The following GRPR variants were observed in gnomAD, a reference collection of about 807,000 sequenced individuals.
GRPR encodes gastrin releasing peptide receptor, also known as gastrin-releasing peptide receptor.
GRPR carries 4 observed loss-of-function variants against 15.6 expected under a neutral mutation model. That is an observed-to-expected ratio of 0.26 (90% CI 0.13 to 0.59). The LOEUF (loss-of-function observed/expected upper bound fraction) is 0.59, where lower values mean the gene tolerates loss of function less well. GRPR is among the 20% of genes least tolerant of loss of function. GRPR has a pLI of 0.90. For synonymous variants in GRPR, 128 were observed against 126.8 expected (o/e 1.01, Z -0.06); for missense variants, 270 against 304.1 (o/e 0.89, Z 0.83).
intron 1 of GRPR, among the ~76,000 whole-genome samples, chrX:16,146,160 G>T (rs183746855): frequency 3.6e-5 from 4 of 111,891 alleles, no homozygotes; most frequent in African/African-American, 1.3e-4. Flanking sequence ...AGTGGGGAAT[G>T]ATCTATGTAA....
intron 1 of GRPR, among the ~76,000 whole-genome samples, chrX:16,141,293 G>T (rs928602383): frequency 1.8e-5 from 2 of 112,279 alleles, no homozygotes; most frequent in Non-Finnish European, 3.8e-5. Flanking sequence ...AGGGTCAATA[G>T]TTGCCCAACT....
At chrX:16,140,906 G>A (rs1922521347) in intron 1 of GRPR, among the ~76,000 whole-genome samples, 2 of 111,258 alleles carry the variant, frequency 1.8e-5, no homozygotes, top group African/African-American at 6.6e-5. Flanking sequence ...ATTTTTCTTT[G>A]TCTTCGTGAT....
Position 16,152,747 on chromosome X carries a change from A to T in GRPR, c.*102A>T. 2.7e-6 allele frequency: 2 copies of T among 736,737 alleles called. No homozygotes were observed. The highest frequency in any genetic ancestry group is 2.1e-6 in the Non-Finnish European group (1 of 468,718). The allele number at this position is 736,737 out of a possible 1,213,427, so 60.7% of individuals were successfully genotyped here. A position where few individuals can be genotyped will look rare whatever the true frequency, so the allele number is the denominator to read the frequency against. ...TCTGTGCCCTCCAAAGAGCCTTCAG[A>T]ATGCTCCTGAGTGGTGTAGGTGGGG... On this transcript the variant is annotated 3_prime_UTR_variant, in exon 3 of 3. Transcript: ENST00000380289.
At chrX:16,128,869 G>C (rs1922336697) in intron 1 of GRPR, among the ~76,000 whole-genome samples, 1 of 111,962 alleles carries the variant, frequency 8.9e-6, no homozygotes, top group African/African-American at 3.2e-5. Context: ...TGTGCTAGGT[G>C]CCTCATTATT....
intron 1 of GRPR, among the ~76,000 whole-genome samples, chrX:16,142,746 C>T (rs151080015): frequency 1.8e-5 from 2 of 110,619 alleles, no homozygotes; most frequent in East Asian, 5.7e-4. Flanking sequence ...TCCCTAAGTG[C>T]CCCCACTCCC....
chrX:16,152,686 T>G lies in GRPR; in HGVS notation c.*41T>G, dbSNP rs1922733989. 8.9e-7 allele frequency: 1 copy of G among 1,123,625 alleles called. No homozygotes were observed. Among genetic ancestry groups the G allele is most frequent in the African/African-American group, 1.8e-5 (1 of 55,046 alleles). 92.6% of individuals were successfully genotyped at this position (1,123,625 alleles called of 1,213,427 possible). ...TGCCCCCTGAGGGACGGTTTTGCTT[T>G]ATGGCTAGACAGGAACCCTTGCATC... On this transcript the variant is annotated 3_prime_UTR_variant, in exon 3 of 3. Coordinates refer to ENST00000380289, the MANE Select transcript of GRPR (RefSeq NM_005314.3).
intron 1 of GRPR, among the ~76,000 whole-genome samples, chrX:16,149,654 A>G (rs1345255833): frequency 9.2e-6 from 1 of 108,901 alleles, no homozygotes; most frequent in Non-Finnish European, 1.9e-5. Context: ...CCAAAAAAAA[A>G]AAAAAAAAAA....
chrX:16,126,414 T>C (rs1922292351), intron 1 of GRPR, among the ~76,000 whole-genome samples: 1 of 111,951 alleles, frequency 8.9e-6, no homozygotes, highest in Non-Finnish European at 1.9e-5. Flanking sequence ...ATCTCTGAGG[T>C]TGGCAGGGCA....
chrX:16,133,327 C>T (rs1922404860), intron 1 of GRPR, among the ~76,000 whole-genome samples: 1 of 111,708 alleles, frequency 9.0e-6, no homozygotes, highest in East Asian at 2.8e-4. Flanking sequence ...AAAATTCCCT[C>T]TTGCCTTTTT....
At chrX:16,124,416 G>A (rs777698135) in intron 1 of GRPR, 50 bp downstream of exon 1, 1 of 1,082,021 alleles carries the variant, frequency 9.2e-7, no homozygotes, top group Non-Finnish European at 1.3e-6. Context: ...TAGACGCCTG[G>A]GTAAATGAAC....
intron 2 of GRPR, among the ~76,000 whole-genome samples, chrX:16,150,873 A>T (rs1386919408): frequency 8.9e-6 from 1 of 112,235 alleles, no homozygotes; most frequent in African/African-American, 3.2e-5. Flanking sequence ...GGTGTTGTGA[A>T]CCTGAAATAT....
rs746656467 is a variant in GRPR at position 16,124,173 on chromosome X, G to A, written c.220G>A (p.Val74Ile). 3 of 1,210,285 alleles carry A rather than the reference G, an allele frequency of 2.5e-6. No individual in the cohort carries two copies. Among genetic ancestry groups the A allele is most frequent in the South Asian group, 1.8e-5 (1 of 56,948 alleles). Residue 74 changes from valine to isoleucine, a missense_variant, in exon 1 of 3, where the codon GTT (valine) becomes ATT (isoleucine). Around this residue, in one of 3 missense-constraint regions of GRPR, gnomAD observed 115 missense variants for 128.8 expected, o/e 0.89. Transcript: ENST00000380289. ...IFCTVKSMRNVPNLFISSLAL... is the reference protein window; with the variant it reads ...IFCTVKSMRNIPNLFISSLAL... ...CTGTACAGTCAAGTCCATGCGAAAC[G>A]TTCCAAACCTGTTCATTTCCAGTCT... is the stretch of plus-strand genomic sequence containing the variant.
At chrX:16,143,361 G>T (rs1213519657) in intron 1 of GRPR, among the ~76,000 whole-genome samples, 2 of 112,939 alleles carry the variant, frequency 1.8e-5, no homozygotes, top group African/African-American at 3.2e-5. Context: ...CCCCAGCTTA[G>T]CTTCTGCAGT....
intron 1 of GRPR, among the ~76,000 whole-genome samples, chrX:16,138,234 A>C (rs1922477639): frequency 8.9e-6 from 1 of 112,045 alleles, no homozygotes. Context: ...CCCTCTAGCG[A>C]GCACCAAGGT....
rs189524788 is a variant in GRPR at position 16,151,240 on chromosome X, A to C, written c.765+584A>C. The stretch of plus-strand genomic sequence containing the variant: ...AAGAGAGAGTATATGTAAGGCCTAC[A>C]GTGCCCAGCATGCAAGATGCCCTCC... On this transcript the variant is annotated intron_variant, in intron 2 of 2. Transcript: ENST00000380289. Among the ~76,000 whole-genome samples the C allele has an allele frequency of 1.1e-3, 119 of 112,386 alleles. 1 individual carries two copies. The highest frequency in any genetic ancestry group is 2.6e-3 in the Admixed American group (28 of 10,648).
rs1569129249 is a variant in GRPR at position 16,153,495 on chromosome X, TAATC to T, written c.*853_*856del. On this transcript the variant is annotated 3_prime_UTR_variant, in exon 3 of 3. Coordinates refer to ENST00000380289, the MANE Select transcript of GRPR (RefSeq NM_005314.3). ...GGAAAAAAAAAATCATGCTATTAATTAATCAAATATCTATAAATGCATAAAGTAC... is the reference window on the plus strand; with the variant it reads ...GGAAAAAAAAAATCATGCTATTAATTAAATATCTATAAATGCATAAAGTAC... 1 of 111,526 alleles carries T rather than the reference TAATC, an allele frequency of 9.0e-6. No homozygotes were observed. Among genetic ancestry groups the T allele is most frequent in the Non-Finnish European group, 1.9e-5 (1 of 53,203 alleles). 9.2% of individuals were successfully genotyped at this position (111,526 alleles called of 1,213,427 possible). A position where few individuals can be genotyped will look rare whatever the true frequency, so the allele number is the denominator to read the frequency against.
chrX:16,131,738 A>G (rs910376596), intron 1 of GRPR, among the ~76,000 whole-genome samples: 19 of 112,160 alleles, frequency 1.7e-4, no homozygotes, highest in African/African-American at 5.2e-4. Context: ...TTTTGCACGT[A>G]TCAGTAATCC....
intron 2 of GRPR, among the ~76,000 whole-genome samples, chrX:16,151,799 G>C (rs1477303859): frequency 8.9e-6 from 1 of 112,377 alleles, no homozygotes; most frequent in East Asian, 2.8e-4. Context: ...CTGAGCATGA[G>C]AGGGAATAAG....
chrX:16,149,118 G>A (rs4618893), intron 1 of GRPR, among the ~76,000 whole-genome samples: 46,743 of 110,989 alleles, frequency 0.42, 8,329 homozygotes, highest in African/African-American at 0.68. Context: ...GGACTTCCCC[G>A]TTGGGTAATC....
Sources: allele counts gnomAD v4.1 joint callset (sites outside exome capture counted in the v4.1 genomes callset), GRCh38; gene constraint gnomAD v4.1.1; regional missense constraint gnomAD v4.1.1; transcripts MANE v1.5; gene names NCBI Gene and HGNC (gene_info 2026-07-23, HGNC 2026-07-21).